The following TRIM38 variants were observed in gnomAD, a reference collection of about 807,000 sequenced individuals.
TRIM38 encodes the protein tripartite motif containing 38, also known as E3 ubiquitin-protein ligase TRIM38.
In TRIM38, 35 loss-of-function variants were observed where a neutral mutation model predicts 35.8. The observed-to-expected ratio is 0.98, with a 90% CI of 0.75 to 1.30. TRIM38 has a LOEUF of 1.30. TRIM38 is among the 50% of genes most tolerant of loss of function. The pLI, the probability that TRIM38 is intolerant of heterozygous loss-of-function variation, is 0.00. For synonymous variants in TRIM38, 198 were observed against 204.7 expected (o/e 0.97, Z 0.28); for missense variants, 545 against 556.9 (o/e 0.98, Z 0.21).
intron 7 of TRIM38, 61 bp downstream of exon 7, chr6:25,973,346 G>A (rs973289835): frequency 3.9e-5 from 61 of 1,578,698 alleles, no homozygotes; most frequent in East Asian, 3.5e-4. Flanking sequence ...CAGTAACCAA[G>A]TTTACCACCT....
Position 25,987,425 on chromosome 6 carries a change from T to A in TRIM38, c.*3738T>A, listed in dbSNP as rs1760744447. On this transcript the variant is annotated 3_prime_UTR_variant, in exon 8 of 8. Coordinates refer to ENST00000357085, the MANE Select transcript of TRIM38 (RefSeq NM_006355.5). ...TGTCTTCACATGGCAAAGAGAGAGCTAGCTTTCTGGTCTTTTCTTATAAGG... is the reference window on the plus strand; with the variant it reads ...TGTCTTCACATGGCAAAGAGAGAGCAAGCTTTCTGGTCTTTTCTTATAAGG... The A allele has an allele frequency of 6.6e-6, 1 of 152,144 alleles. No individual in the cohort carries two copies. The highest frequency in any genetic ancestry group is 6.5e-5 in the Admixed American group (1 of 15,278). 9.4% of individuals were successfully genotyped at this position (152,144 alleles called of 1,614,324 possible).
At chr6:25,983,052 G>A (rs1030226039) in intron 7 of TRIM38, 112 bp from the exon 8 acceptor site, 39 of 1,048,678 alleles carry the variant, frequency 3.7e-5, no homozygotes, top group Non-Finnish European at 5.2e-5. Context: ...TAGTGCCAGT[G>A]CACTCCAGCC....
chr6:25,984,926 T>C lies in TRIM38; in HGVS notation c.*1239T>C, dbSNP rs546967696. On this transcript the variant is annotated 3_prime_UTR_variant, in exon 8 of 8. Transcript: ENST00000357085. ...AATAGGAGAAATGAAGCAACAGTTG[T>C]GTCTAGATGTCAGAGGCATGGCTGG... 3.3e-5 allele frequency: 5 copies of C among 152,418 alleles called. No individual in the cohort carries two copies. Among genetic ancestry groups the C allele is most frequent in the Admixed American group, 1.3e-4 (2 of 15,300 alleles). 9.4% of individuals were successfully genotyped at this position (152,418 alleles called of 1,614,324 possible).
At chr6:25,964,087 G>C (rs1455048586) in intron 2 of TRIM38, among the ~76,000 whole-genome samples, 1 of 151,970 alleles carries the variant, frequency 6.6e-6, no homozygotes, top group African/African-American at 2.4e-5. Flanking sequence ...CTGAAAAATC[G>C]ACTCACAAAA....
At position 25,966,443 on chromosome 6, in the gene TRIM38, T is replaced by G; in HGVS notation, c.-80T>G. The G allele has an allele frequency of 7.0e-7, 1 of 1,421,038 alleles. No homozygotes were observed. Among genetic ancestry groups the G allele is most frequent in the Non-Finnish European group, 9.4e-7 (1 of 1,066,192 alleles). 88.0% of individuals were successfully genotyped at this position (1,421,038 alleles called of 1,614,324 possible). ...TCATCACATAGAGGTGCAGGTGAGG[T>G]GTATTTTCATCACGGTGGAAAATTC... is the stretch of plus-strand genomic sequence containing the variant. On this transcript the variant is annotated 5_prime_UTR_variant, in exon 3 of 8. Transcript: ENST00000357085.
At chr6:25,966,288 T>G in intron 2 of TRIM38, 47 bp from the exon 3 acceptor site, 1 of 446,120 alleles carries the variant, frequency 2.2e-6, no homozygotes, top group East Asian at 3.4e-5. Flanking sequence ...GGGTTGCAGT[T>G]CTCAAACGTG....
rs866420494 is a variant in TRIM38, at chr6:25,983,076, C to T, written c.875-88C>T. On this transcript the variant is annotated intron_variant, in intron 7 of 7. Transcript: ENST00000357085. The stretch of plus-strand genomic sequence containing the variant: ...TGCACTCCAGCCTGGGTGACAGCAA[C>T]ACTCCATCTCAAAATAAAATAAAAT... The T allele has an allele frequency of 5.2e-6, 7 of 1,337,058 alleles. No homozygotes were observed. The South Asian group carries it at 1.0e-4, about 20-fold the overall frequency. The allele number at this position is 1,337,058 out of a possible 1,614,324, so 82.8% of individuals were successfully genotyped here.
chr6:25,980,067 A>G (rs140696837), intron 7 of TRIM38, among the ~76,000 whole-genome samples: 43 of 152,312 alleles, frequency 2.8e-4, no homozygotes, highest in African/African-American at 9.6e-4. Context: ...TTTTCTGCCT[A>G]GTATTTACTC....
intron 3 of TRIM38, 143 bp from the exon 4 acceptor site, chr6:25,969,182 T>C (rs1160498581): frequency 1.3e-5 from 8 of 618,836 alleles, no homozygotes; most frequent in African/African-American, 7.4e-5. Flanking sequence ...ATATAGCCTT[T>C]AGCATGCTCT....
rs529325196 is a variant in TRIM38 at position 25,973,828 on chromosome 6, A to G, written c.874+543A>G. 769 of 985,446 alleles carry G rather than the reference A, an allele frequency of 7.8e-4. 1 individual carries two copies. The highest frequency in any genetic ancestry group is 1.3e-3 in the African/African-American group (73 of 57,362). The allele number at this position is 985,446 out of a possible 1,614,324, so 61.0% of individuals were successfully genotyped here. ...TGTTACAACCAATTTACAGATTCCAAAATGTTAGAACCATTTACTGAGTTT... is the reference window on the plus strand; with the variant it reads ...TGTTACAACCAATTTACAGATTCCAGAATGTTAGAACCATTTACTGAGTTT... On this transcript the variant is annotated intron_variant, in intron 7 of 7. Transcript: ENST00000357085.
In TRIM38 at chr6:25,963,207, G is replaced by A. The variant is rs1759903211; in HGVS notation, c.-264G>A. 6.6e-6 allele frequency: 1 copy of A among 152,316 alleles called. No homozygotes were observed. Among genetic ancestry groups the A allele is most frequent in the African/African-American group, 2.4e-5 (1 of 41,412 alleles). 9.4% of individuals were successfully genotyped at this position (152,316 alleles called of 1,614,324 possible). A position where few individuals can be genotyped will look rare whatever the true frequency, so the allele number is the denominator to read the frequency against. On this transcript the variant is annotated 5_prime_UTR_variant, in exon 2 of 8. Transcript: ENST00000357085. ...TCACTGGAGGAAATAGCCTGCCAAG[G>A]AATACACGTCTTCAGAAGAAATTCT... is the stretch of plus-strand genomic sequence containing the variant.
At chr6:25,975,721 T>C (rs1294162428) in intron 7 of TRIM38, 2 of 967,042 alleles carry the variant, frequency 2.1e-6, no homozygotes, top group Non-Finnish European at 2.5e-6. Flanking sequence ...AAACGTAACA[T>C]ATATACACTG....
At chr6:25,981,770 C>T (rs1760550821) in intron 7 of TRIM38, among the ~76,000 whole-genome samples, 1 of 152,218 alleles carries the variant, frequency 6.6e-6, no homozygotes, top group Admixed American at 6.5e-5. Context: ...TTTTCCCTCT[C>T]TGATTCTCAA....
chr6:25,983,789 G>A lies in TRIM38; in HGVS notation c.*102G>A. ...TGTTTTCTTCGCTGTCATTTCCTTA[G>A]TAGTTAGACTAGTGCTGAGATTTTA... On this transcript the variant is annotated 3_prime_UTR_variant, in exon 8 of 8. Coordinates refer to ENST00000357085, the MANE Select transcript of TRIM38 (RefSeq NM_006355.5). 1 of 1,105,986 alleles carries A rather than the reference G, an allele frequency of 9.0e-7. No individual in the cohort carries two copies. The highest frequency in any genetic ancestry group is 1.3e-6 in the Non-Finnish European group (1 of 786,208). The allele number at this position is 1,105,986 out of a possible 1,614,324, so 68.5% of individuals were successfully genotyped here. A position where few individuals can be genotyped will look rare whatever the true frequency, so the allele number is the denominator to read the frequency against.
rs144606645 is a variant in TRIM38 at position 25,989,268 on chromosome 6, T to C, written c.*5581T>C. 3.3e-5 allele frequency: 5 copies of C among 152,228 alleles called. No individual in the cohort carries two copies. The highest frequency in any genetic ancestry group is 1.2e-4 in the African/African-American group (5 of 41,460). 9.4% of individuals were successfully genotyped at this position (152,228 alleles called of 1,614,324 possible). A position where few individuals can be genotyped will look rare whatever the true frequency, so the allele number is the denominator to read the frequency against. ...TTTTCTTACTGTTGAGTTTTAAGTATTCTTTGTATATTCTAAAAATATTGT... is the reference window on the plus strand; with the variant it reads ...TTTTCTTACTGTTGAGTTTTAAGTACTCTTTGTATATTCTAAAAATATTGT... On this transcript the variant is annotated 3_prime_UTR_variant, in exon 8 of 8. Coordinates refer to ENST00000357085, the MANE Select transcript of TRIM38 (RefSeq NM_006355.5).
chr6:25,972,001 G>C lies in TRIM38; in HGVS notation c.640G>C (p.Asp214His). 6.2e-7 allele frequency: 1 copy of C among 1,614,154 alleles called. No homozygotes were observed. Among genetic ancestry groups the C allele is most frequent in the Non-Finnish European group, 8.5e-7 (1 of 1,180,032 alleles). Residue 214 changes from aspartate (D) to histidine (H), a missense_variant, in exon 5 of 8, where the codon GAC becomes CAC. Transcript: ENST00000357085. Reference protein sequence around the residue: ...EEQQTLSRLRDYEAGLGLKSN... With the variant: ...EEQQTLSRLRHYEAGLGLKSN... ...ACAACAGACTCTGAGTAGACTGAGG[G>C]ACTATGAGGCTGGTCTGGGGCTGAA...
At chr6:25,964,346 G>A (rs1447537592) in intron 2 of TRIM38, among the ~76,000 whole-genome samples, 3 of 152,238 alleles carry the variant, frequency 2.0e-5, no homozygotes, top group East Asian at 3.9e-4. Context: ...GGGGAAGGGT[G>A]ATATCAGGAG....
rs1050544990 is a variant in TRIM38 at position 25,989,558 on chromosome 6, T to C, written c.*5871T>C. 1 of 145,596 alleles carries C rather than the reference T, an allele frequency of 6.9e-6. No individual in the cohort carries two copies. The highest frequency in any genetic ancestry group is 7.2e-5 in the Admixed American group (1 of 13,858). 9.0% of individuals were successfully genotyped at this position (145,596 alleles called of 1,614,324 possible). A position where few individuals can be genotyped will look rare whatever the true frequency, so the allele number is the denominator to read the frequency against. ...TTAATAGAGACGGGTCTTGCTACAG[T>C]GCCCAGGCTGGTCTCGAACTCCAGG... is the stretch of plus-strand genomic sequence containing the variant. On this transcript the variant is annotated 3_prime_UTR_variant, in exon 8 of 8. Transcript: ENST00000357085.
intron 7 of TRIM38, chr6:25,974,928 T>C: frequency 2.0e-6 from 2 of 985,444 alleles, no homozygotes; most frequent in Middle Eastern, 5.2e-4. Context: ...AACAAGACTT[T>C]GTGTAAGTTT....
Sources: allele counts gnomAD v4.1 joint callset (sites outside exome capture counted in the v4.1 genomes callset), GRCh38; gene constraint gnomAD v4.1.1; transcripts MANE v1.5; gene names NCBI Gene and HGNC (gene_info 2026-07-23, HGNC 2026-07-21).